Variants in NOL4L observed in about 807,000 individuals in gnomAD.
NOL4L encodes the protein nucleolar protein 4-like.
A neutral mutation model predicts 64.5 loss-of-function variants in NOL4L; 7 were observed. The ratio of observed to expected loss-of-function variants is 0.11; its 90% CI spans 0.06 to 0.20. NOL4L has a LOEUF of 0.20. Ranked by LOEUF, NOL4L falls within the 10% of genes least tolerant of loss-of-function variation. The probability of loss-of-function intolerance (pLI) is 1.00; values close to 1 mark genes in which losing one functional copy is unlikely to be tolerated. For synonymous variants in NOL4L, 413 were observed against 401.0 expected, an observed-to-expected ratio of 1.03 and a Z score of -0.36; for missense variants, 680 against 967.1, an observed-to-expected ratio of 0.70 and a Z score of 3.94.
intron 1 of NOL4L, among the ~76,000 whole-genome samples, chr20:32,554,131 T>C (rs1235687216): frequency 6.6e-6 from 1 of 151,966 alleles, no homozygotes; most frequent in Non-Finnish European, 1.5e-5. Flanking sequence ...CCATCCTGGC[T>C]AACAGGGTGA....
intron 4 of NOL4L, among the ~76,000 whole-genome samples, chr20:32,509,254 C>T (rs1228611679): frequency 6.6e-6 from 1 of 151,970 alleles, no homozygotes; most frequent in African/African-American, 2.4e-5. Flanking sequence ...TACAGGGATG[C>T]CAGCCGGAAT....
At chr20:32,560,183 C>T (rs920801256) in intron 1 of NOL4L, among the ~76,000 whole-genome samples, 1 of 152,244 alleles carries the variant, frequency 6.6e-6, no homozygotes, top group African/African-American at 2.4e-5. Flanking sequence ...GTCACACAGG[C>T]ACCCAGTGGG....
intron 2 of NOL4L, among the ~76,000 whole-genome samples, chr20:32,524,018 C>T (rs747711814): frequency 6.6e-6 from 1 of 152,192 alleles, no homozygotes; most frequent in Admixed American, 6.5e-5. Context: ...CTGCTGACCA[C>T]ATCTGGCCCC....
At chr20:32,522,024 T>G (rs1218442689) in intron 2 of NOL4L, among the ~76,000 whole-genome samples, 1 of 152,228 alleles carries the variant, frequency 6.6e-6, no homozygotes. Flanking sequence ...GGTTTGCTCC[T>G]TTAGAAATGC....
Position 32,444,995 on chromosome 20 carries a change from G to A in NOL4L, c.*2601C>T, listed in dbSNP as rs1278968400. The A allele has an allele frequency of 6.6e-6, 1 of 152,202 alleles. No individual in the cohort carries two copies. Among genetic ancestry groups the A allele is most frequent in the African/African-American group, 2.4e-5 (1 of 41,442 alleles). 9.4% of individuals were successfully genotyped at this position (152,202 alleles called of 1,614,324 possible). On this transcript the variant is annotated 3_prime_UTR_variant, in exon 11 of 11. Coordinates refer to ENST00000621426, the MANE Select transcript of NOL4L (RefSeq NM_001256798.2). ...GACTGAGCCAGCTAAATGGAATCCT[G>A]TTTCCATGCAGAAACTTGCTCCTGA...
At chr20:32,557,025 A>T (rs1978698910) in intron 1 of NOL4L, among the ~76,000 whole-genome samples, 1 of 152,192 alleles carries the variant, frequency 6.6e-6, no homozygotes, top group Non-Finnish European at 1.5e-5. Context: ...GATCTCAGCC[A>T]AGGAACTCCG....
chr20:32,453,092 AC>A lies in NOL4L; in HGVS notation c.1498-87del. 2 of 1,575,318 alleles carry A rather than the reference AC, an allele frequency of 1.3e-6. No homozygotes were observed. Among genetic ancestry groups the A allele is most frequent in the South Asian group, 2.2e-5 (2 of 89,056 alleles). On this transcript the variant is annotated intron_variant, in intron 8 of 10. Transcript: ENST00000621426. This position sits in a 1 kb window ranked among gnomAD's most constrained non-coding sequence, Gnocchi z 5.6. ...AGACCCTGCCCCAGGGGTGGGTGGCACAGGGTGGGGTTTGGGCTCCAGCGCC... is the reference window on the plus strand; with the variant it reads ...AGACCCTGCCCCAGGGGTGGGTGGCAAGGGTGGGGTTTGGGCTCCAGCGCC...
At chr20:32,528,783 G>A (rs1334738059) in intron 1 of NOL4L, among the ~76,000 whole-genome samples, 1 of 152,242 alleles carries the variant, frequency 6.6e-6, no homozygotes, top group African/African-American at 2.4e-5. Context: ...TCACAAGGGA[G>A]ATACACAGAC....
At chr20:32,492,945 G>A (rs888891833) in intron 4 of NOL4L, among the ~76,000 whole-genome samples, 1 of 152,192 alleles carries the variant, frequency 6.6e-6, no homozygotes, top group East Asian at 1.9e-4. Flanking sequence ...AGACCACTGA[G>A]CCAGGCCACG....
At chr20:32,459,413 C>T (rs1187237205) in intron 5 of NOL4L, among the ~76,000 whole-genome samples, 11 of 137,514 alleles carry the variant, frequency 8.0e-5, no homozygotes, top group Non-Finnish European at 1.4e-4. Flanking sequence ...GATGGAGTTT[C>T]ACTCTTCCTG....
chr20:32,531,399 C>T (rs1415593372), intron 1 of NOL4L, among the ~76,000 whole-genome samples: 2 of 150,816 alleles, frequency 1.3e-5, no homozygotes, highest in African/African-American at 2.4e-5. Flanking sequence ...GAAACACAGT[C>T]TCACTCTGCC....
At chr20:32,481,447 T>C (rs1022083116) in intron 4 of NOL4L, among the ~76,000 whole-genome samples, 1 of 152,118 alleles carries the variant, frequency 6.6e-6, no homozygotes, top group African/African-American at 2.4e-5. Context: ...CAGAAAAAGT[T>C]CTTGAGCAAT....
intron 1 of NOL4L, among the ~76,000 whole-genome samples, chr20:32,545,157 C>T (rs1018783083): frequency 6.6e-6 from 1 of 152,172 alleles, no homozygotes; most frequent in African/African-American, 2.4e-5. Context: ...CCTGTAGTCC[C>T]AGCTACCCAG....
At chr20:32,477,592 A>T (rs2015472831) in intron 4 of NOL4L, among the ~76,000 whole-genome samples, 1 of 152,234 alleles carries the variant, frequency 6.6e-6, no homozygotes, top group Admixed American at 6.5e-5. Flanking sequence ...TGCCTGGCAT[A>T]GTGTTGGTGT....
intron 1 of NOL4L, among the ~76,000 whole-genome samples, chr20:32,560,493 A>C: frequency 6.6e-6 from 1 of 152,208 alleles, no homozygotes; most frequent in East Asian, 1.9e-4. Flanking sequence ...CCCAACTGTC[A>C]CCTAACAAAC....
At chr20:32,518,792 G>A (rs1176251907) in intron 3 of NOL4L, among the ~76,000 whole-genome samples, 2 of 152,220 alleles carry the variant, frequency 1.3e-5, no homozygotes, top group African/African-American at 2.4e-5. Context: ...GGTGGAGAGT[G>A]GGGCAGGGAA....
rs545820363 is a variant in NOL4L, at chr20:32,447,556, C to G, written c.*40G>C. ...GGAAGCCAGGTCCAGGCTGGGACAGCCTCCTTCCCTAGGGCAGTGCGCTCC... is the reference window on the plus strand; with the variant it reads ...GGAAGCCAGGTCCAGGCTGGGACAGGCTCCTTCCCTAGGGCAGTGCGCTCC... On this transcript the variant is annotated 3_prime_UTR_variant, in exon 11 of 11. Transcript: ENST00000621426. 12 of 1,547,986 alleles carry G rather than the reference C, an allele frequency of 7.8e-6. No homozygotes were observed. In the South Asian group the frequency reaches 8.5e-5, roughly 11 times the overall value.
chr20:32,468,303 C>T (rs1293368934), intron 5 of NOL4L, among the ~76,000 whole-genome samples: 1 of 152,190 alleles, frequency 6.6e-6, no homozygotes, highest in Non-Finnish European at 1.5e-5. Flanking sequence ...CTGCCCTTCT[C>T]TCCTGGTTGG....
chr20:32,527,837 A>G lies in NOL4L; in HGVS notation c.398T>C (p.Ile133Thr). The part of the protein sequence containing the change: ...VAVVEDFFDI[I>T]YSMHVESSAE... ...TGAGCTCTCCACATGCATCGAGTAG[A>G]TGATGTCAAAGAAATCTTCCACCAC... Residue 133 changes from isoleucine to threonine, a missense_variant, in exon 2 of 11, where the codon ATC (isoleucine) becomes ACC (threonine). Physicochemically the swap from Ile to Thr is moderately conservative, Grantham distance 89. Around this residue, in one of 4 missense-constraint regions of NOL4L, gnomAD observed 181 missense variants for 335.2 expected, o/e 0.54. Coordinates refer to ENST00000621426, the MANE Select transcript of NOL4L (RefSeq NM_001256798.2). 1 of 1,550,578 alleles carries G rather than the reference A, an allele frequency of 6.4e-7. No homozygotes were observed. Among genetic ancestry groups the G allele is most frequent in the Non-Finnish European group, 8.7e-7 (1 of 1,146,954 alleles).
Sources: gnomAD v4.1 joint callset for allele counts (sites outside exome capture counted in the v4.1 genomes callset) on GRCh38, gnomAD v4.1.1 for gene constraint, gnomAD v4.1.1 regional missense constraint, Gnocchi (gnomAD v3.1) non-coding constraint, MANE v1.5 for transcripts, NCBI Gene and HGNC (gene_info 2026-07-23, HGNC 2026-07-21) for gene names.